The following PIK3C2G variants were observed in gnomAD, a reference collection of about 807,000 sequenced individuals.
PIK3C2G encodes phosphatidylinositol 3-kinase C2 domain-containing subunit gamma.
PIK3C2G carries 168 observed loss-of-function variants against 181.1 expected under a neutral mutation model. The observed-to-expected ratio is 0.93, with a 90% CI of 0.82 to 1.05. The LOEUF (loss-of-function observed/expected upper bound fraction) is 1.05, where lower values mean the gene tolerates loss of function less well. Among genes scored for constraint, PIK3C2G ranks in the 50% least tolerant of loss-of-function variants. The pLI, the probability that PIK3C2G is intolerant of heterozygous loss-of-function variation, is 0.00. For synonymous variants in PIK3C2G, 573 were observed against 592.2 expected, an observed-to-expected ratio of 0.97 and a Z score of 0.47; for missense variants, 1,869 against 1,732.8, an observed-to-expected ratio of 1.08 and a Z score of -1.40.
At chr12:18,517,914 C>T (rs1316923512) in intron 24 of PIK3C2G, among the ~76,000 whole-genome samples, 8 of 152,082 alleles carry the variant, frequency 5.3e-5, no homozygotes, top group Admixed American at 4.6e-4. Context: ...CCATCAATAC[C>T]AAGTTTACTG....
intron 15 of PIK3C2G, among the ~76,000 whole-genome samples, chr12:18,396,951 G>A (rs4764399): frequency 0.42 from 63,697 of 151,378 alleles, 13,702 homozygotes; most frequent in East Asian, 0.65. Flanking sequence ...ATGCAAAAGA[G>A]CCTAGAATAG....
chr12:18,679,731 G>A, the PIK3C2G span, among the ~76,000 whole-genome samples: 3 of 151,972 alleles, frequency 2.0e-5, no homozygotes, highest in South Asian at 2.1e-4. Flanking sequence ...ACTGCCCTGC[G>A]AGAAGAATGG....
chr12:18,427,951 A>G (rs536864694), intron 18 of PIK3C2G, among the ~76,000 whole-genome samples: 2 of 152,292 alleles, frequency 1.3e-5, no homozygotes, highest in Admixed American at 6.5e-5. Context: ...TTTTAAGTCC[A>G]GGGTCACACG....
At chr12:18,663,174 G>A in the PIK3C2G span, among the ~76,000 whole-genome samples, 3 of 152,138 alleles carry the variant, frequency 2.0e-5, no homozygotes, top group Middle Eastern at 0.01. Context: ...CAAGGCAAGG[G>A]TGAACAGGTT....
At chr12:18,363,846 C>T (rs1301375280) in intron 12 of PIK3C2G, among the ~76,000 whole-genome samples, 1 of 152,150 alleles carries the variant, frequency 6.6e-6, no homozygotes, top group Admixed American at 6.6e-5. Flanking sequence ...CTTCAATTCT[C>T]GCATACCTCA....
chr12:18,568,402 GTGTGTGTGTGTC>G lies in PIK3C2G; in HGVS notation c.4011+1357_4011+1368del, dbSNP rs908211764. ...AACAAAATTGTGTGTGTGTGTGTGTGTGTGTGTGTGTCTGTGTGTGTGTGAGACAGAGAGAGA... is the reference window on the plus strand; with the variant it reads ...AACAAAATTGTGTGTGTGTGTGTGTGTGTGTGTGTGTGAGACAGAGAGAGA... On this transcript the variant is annotated intron_variant, in intron 29 of 32. Transcript: ENST00000538779. Among the ~76,000 whole-genome samples the G allele has an allele frequency of 4.6e-5, 7 of 151,248 alleles. No homozygotes were observed. In the East Asian group the frequency reaches 8.2e-4, roughly 18 times the overall value.
At chr12:18,725,944 T>G in the PIK3C2G span, among the ~76,000 whole-genome samples, 1 of 152,148 alleles carries the variant, frequency 6.6e-6, no homozygotes, top group Admixed American at 6.6e-5. Flanking sequence ...GACTCCACTT[T>G]CTTCTCTTAC....
At chr12:18,531,076 T>G (rs1165833773) in intron 24 of PIK3C2G, among the ~76,000 whole-genome samples, 5 of 152,170 alleles carry the variant, frequency 3.3e-5, no homozygotes, top group African/African-American at 1.2e-4. Context: ...ATGCCTTATG[T>G]AATGTATCAT....
the PIK3C2G span, among the ~76,000 whole-genome samples, chr12:18,656,246 T>A: frequency 6.6e-6 from 1 of 151,972 alleles, no homozygotes; most frequent in African/African-American, 2.4e-5. Context: ...CTGGGCAACA[T>A]AGCAAGACCC....
At chr12:18,400,061 A>G (rs1944158484) in intron 16 of PIK3C2G, among the ~76,000 whole-genome samples, 1 of 152,210 alleles carries the variant, frequency 6.6e-6, no homozygotes, top group Non-Finnish European at 1.5e-5. Flanking sequence ...TAGTATAATA[A>G]ATTGTAGAAG....
At chr12:18,256,270 C>T (rs1045506942) in intron 1 of PIK3C2G, among the ~76,000 whole-genome samples, 32 of 151,826 alleles carry the variant, frequency 2.1e-4, no homozygotes, top group Non-Finnish European at 3.8e-4. Context: ...TCTCTGAAAA[C>T]CTTAGTCTGC....
chr12:18,726,526 T>C, the PIK3C2G span, among the ~76,000 whole-genome samples: 1 of 152,172 alleles, frequency 6.6e-6, no homozygotes, highest in Non-Finnish European at 1.5e-5. Context: ...TTAATTACTA[T>C]ACGTTTAAAT....
intron 18 of PIK3C2G, among the ~76,000 whole-genome samples, chr12:18,430,276 CTGAT>C (rs1191310414): frequency 1.3e-5 from 2 of 152,148 alleles, no homozygotes; most frequent in African/African-American, 2.4e-5. Context: ...CCTACCAAGT[CTGAT>C]TGAACAAACT....
chr12:18,530,083 C>T (rs1373266814), intron 24 of PIK3C2G, among the ~76,000 whole-genome samples: 1 of 152,122 alleles, frequency 6.6e-6, no homozygotes, highest in African/African-American at 2.4e-5. Context: ...TCACTCTCTA[C>T]AACAATTGGC....
At position 18,561,541 on chromosome 12, in the gene PIK3C2G, T is replaced by G. The variant is rs561552462; in HGVS notation, c.3591-1162T>G. Among the ~76,000 whole-genome samples the G allele has an allele frequency of 3.9e-5, 6 of 152,256 alleles. No individual in the cohort carries two copies. The East Asian group carries it at 1.2e-3, about 29-fold the overall frequency. Reference sequence around the variant, plus strand: ...AATTAAAAGTAGAATAAGCATACTGTTTGCTTTATGGTATTAACTGAGTTT... The same window carrying G: ...AATTAAAAGTAGAATAAGCATACTGGTTGCTTTATGGTATTAACTGAGTTT... On this transcript the variant is annotated intron_variant, in intron 26 of 32. Coordinates refer to ENST00000538779, the MANE Select transcript of PIK3C2G (RefSeq NM_001288772.2).
chr12:18,354,601 G>T (rs1195793857), intron 11 of PIK3C2G, among the ~76,000 whole-genome samples: 1 of 152,180 alleles, frequency 6.6e-6, no homozygotes, highest in Non-Finnish European at 1.5e-5. Flanking sequence ...AGTTCCAACT[G>T]CCAGATGATA....
In PIK3C2G at chr12:18,488,521, C is replaced by A. The variant is rs748921040; in HGVS notation, c.2577C>A (p.Phe859Leu). The change falls in exon 19 of 33, where the codon TTC becomes TTA. Residue 859 changes from phenylalanine (F) to leucine (L), a missense_variant. Coordinates refer to ENST00000538779, the MANE Select transcript of PIK3C2G (RefSeq NM_001288772.2). ...WYQKLLAALQ[F>L]CAGKALNDEF... The stretch of plus-strand genomic sequence containing the variant: ...AGAAGCTACTAGCTGCTCTCCAATT[C>A]TGTGCAGGTAAAGCCTTGAATGATG... The A allele has an allele frequency of 5.0e-6, 8 of 1,588,682 alleles. No individual in the cohort carries two copies. Among genetic ancestry groups the A allele is most frequent in the Non-Finnish European group, 6.9e-6 (8 of 1,167,624 alleles).
intron 24 of PIK3C2G, among the ~76,000 whole-genome samples, chr12:18,517,140 A>C (rs1176323944): frequency 6.6e-6 from 1 of 151,012 alleles, no homozygotes; most frequent in Non-Finnish European, 1.5e-5. Flanking sequence ...CAGCTTTTGC[A>C]GGTGATCTTT....
At chr12:18,248,408 TA>T (rs896579291) in intron 1 of PIK3C2G, among the ~76,000 whole-genome samples, 1 of 151,598 alleles carries the variant, frequency 6.6e-6, no homozygotes, top group African/African-American at 2.4e-5. Flanking sequence ...CCGTCTCTAC[TA>T]AAAAAAATAC....
Sources: allele counts gnomAD v4.1 joint callset (sites outside exome capture counted in the v4.1 genomes callset), GRCh38; gene constraint gnomAD v4.1.1; transcripts MANE v1.5; gene names NCBI Gene and HGNC (gene_info 2026-07-23, HGNC 2026-07-21).